SYNDIG1: variants seen among roughly 807,000 people sequenced by gnomAD.
The protein encoded by SYNDIG1 is synapse differentiation inducing 1.
Under a neutral mutation model 19.4 loss-of-function variants are expected in SYNDIG1, and 9 were observed. That is an observed-to-expected ratio of 0.46 (90% CI 0.28 to 0.81). SYNDIG1 has a LOEUF of 0.81. Among genes scored for constraint, SYNDIG1 ranks in the 30% least tolerant of loss-of-function variants. SYNDIG1 has a pLI of 0.12. For synonymous variants in SYNDIG1, 141 were observed against 145.9 expected (o/e 0.97, Z 0.24); for missense variants, 311 against 343.3 (o/e 0.91, Z 0.74).
chr20:24,661,457 AAGT>A, intron 3 of SYNDIG1, among the ~76,000 whole-genome samples: 1 of 123,180 alleles, frequency 8.1e-6, no homozygotes, highest in Non-Finnish European at 1.7e-5. Context: ...AAGAGGGAGG[AAGT>A]AGGAAGGAGG....
chr20:24,572,762 T>C (rs2146950691), intron 2 of SYNDIG1, among the ~76,000 whole-genome samples: 1 of 152,360 alleles, frequency 6.6e-6, no homozygotes, highest in East Asian at 1.9e-4. Flanking sequence ...TTGTATACTG[T>C]ATCTTTCCAT....
chr20:24,487,077 G>T (rs995114183), intron 1 of SYNDIG1, among the ~76,000 whole-genome samples: 1 of 151,054 alleles, frequency 6.6e-6, no homozygotes. Flanking sequence ...GATGTGGGGT[G>T]GGGGGTATTT....
intron 3 of SYNDIG1, among the ~76,000 whole-genome samples, chr20:24,661,485 G>GAGGAAGGGAGGA (rs2059593700): frequency 1.6e-5 from 1 of 62,386 alleles, no homozygotes; most frequent in Non-Finnish European, 4.0e-5. Context: ...GAAGAGGGAG[G>GAGGAAGGGAGGA]AAGAAGGGAG....
intron 3 of SYNDIG1, among the ~76,000 whole-genome samples, chr20:24,664,386 T>C (rs2059629737): frequency 6.6e-6 from 1 of 152,160 alleles, no homozygotes; most frequent in African/African-American, 2.4e-5. Context: ...GAAATCTGGC[T>C]TTCTGGAGAC....
Position 24,479,948 on chromosome 20 carries a change from A to T in SYNDIG1, c.-79+10195A>T, listed in dbSNP as rs192134374. The stretch of plus-strand genomic sequence containing the variant: ...GAGTTACTCCTGCCCTGCCATGCAC[A>T]GGTACATGTGCACACACAAATGCCT... On this transcript the variant is annotated intron_variant, in intron 1 of 3. Transcript: ENST00000376862. Among the ~76,000 whole-genome samples, 425 of 152,362 alleles carry T rather than the reference A, an allele frequency of 2.8e-3. 14 individuals are homozygous for T. The highest frequency in any genetic ancestry group is 0.025 in the Admixed American group (380 of 15,302).
intron 2 of SYNDIG1, among the ~76,000 whole-genome samples, chr20:24,568,739 C>G (rs1311662526): frequency 6.6e-6 from 1 of 152,204 alleles, no homozygotes; most frequent in African/African-American, 2.4e-5. Context: ...GAGCTCAAGG[C>G]AAGAGGTAGT....
intron 1 of SYNDIG1, among the ~76,000 whole-genome samples, chr20:24,475,660 T>G (rs1297458113): frequency 6.6e-6 from 1 of 152,218 alleles, no homozygotes; most frequent in African/African-American, 2.4e-5. Context: ...ATGGAAACCC[T>G]GTATTTGTGA....
intron 1 of SYNDIG1, among the ~76,000 whole-genome samples, chr20:24,526,205 G>A (rs2146582564): frequency 6.6e-6 from 1 of 152,134 alleles, no homozygotes; most frequent in African/African-American, 2.4e-5. Flanking sequence ...AAATTAATTT[G>A]TACCTATTGT....
intron 3 of SYNDIG1, among the ~76,000 whole-genome samples, chr20:24,652,817 C>T (rs1156477718): frequency 1.3e-5 from 2 of 152,192 alleles, no homozygotes; most frequent in Non-Finnish European, 2.9e-5. Flanking sequence ...ACTGGGGCTA[C>T]ATAATCCAGA....
chr20:24,620,233 A>T (rs563895210), intron 3 of SYNDIG1, among the ~76,000 whole-genome samples: 1 of 152,344 alleles, frequency 6.6e-6, no homozygotes, highest in South Asian at 2.1e-4. Context: ...TGGCATAAAC[A>T]ACTTTTTCAT....
At chr20:24,471,281 A>G (rs1021547611) in intron 1 of SYNDIG1, among the ~76,000 whole-genome samples, 1 of 151,910 alleles carries the variant, frequency 6.6e-6, no homozygotes, top group African/African-American at 2.4e-5. Context: ...CCGAAGTGAA[A>G]AGGAGCTGCT....
intron 3 of SYNDIG1, among the ~76,000 whole-genome samples, chr20:24,638,608 C>A (rs77508238): frequency 0.014 from 2,104 of 152,214 alleles, 54 homozygotes; most frequent in African/African-American, 0.049. Flanking sequence ...AGAAATACCC[C>A]CACTTTGACC....
At chr20:24,542,979 G>C (rs1209825792) in intron 1 of SYNDIG1, 41 bp from the exon 2 acceptor site, 2 of 1,465,492 alleles carry the variant, frequency 1.4e-6, no homozygotes, top group East Asian at 2.3e-5. Context: ...TTGTTTTCAA[G>C]TGTGATTCTC....
Position 24,543,180 on chromosome 20 carries a change from C to T in SYNDIG1, c.83C>T (p.Thr28Ile). ...GGCAAGAGGAATGGTTTAATTAACA[C>T]CAGAAACTTGATGGCCGAGAGCAGA... is the stretch of plus-strand genomic sequence containing the variant. The part of the protein sequence containing the change: ...DAGKRNGLIN[T>I]RNLMAESRDG... The change falls in exon 2 of 4, where the codon ACC becomes ATC. Residue 28 changes from threonine (T) to isoleucine (I), a missense_variant. Transcript: ENST00000376862. 2 of 1,614,086 alleles carry T rather than the reference C, an allele frequency of 1.2e-6. No homozygotes were observed. Among genetic ancestry groups the T allele is most frequent in the Non-Finnish European group, 1.7e-6 (2 of 1,180,034 alleles).
chr20:24,592,433 C>T (rs1336240033), intron 3 of SYNDIG1, among the ~76,000 whole-genome samples: 1 of 152,254 alleles, frequency 6.6e-6, no homozygotes, highest in East Asian at 1.9e-4. Context: ...CTGTAACCAC[C>T]GTCAAGACAT....
At chr20:24,567,745 G>T (rs1178354092) in intron 2 of SYNDIG1, among the ~76,000 whole-genome samples, 1 of 152,242 alleles carries the variant, frequency 6.6e-6, no homozygotes, top group African/African-American at 2.4e-5. Context: ...CTTCCAGGAT[G>T]GGAGGGAGGC....
intron 3 of SYNDIG1, among the ~76,000 whole-genome samples, chr20:24,655,889 A>G (rs2059520251): frequency 6.6e-6 from 1 of 152,212 alleles, no homozygotes; most frequent in African/African-American, 2.4e-5. Flanking sequence ...ACTGCATTGC[A>G]TTCCTGCAAC....
At chr20:24,566,328 TGGC>T (rs2058041129) in intron 2 of SYNDIG1, among the ~76,000 whole-genome samples, 1 of 152,232 alleles carries the variant, frequency 6.6e-6, no homozygotes, top group Non-Finnish European at 1.5e-5. Context: ...AATTAATATT[TGGC>T]TGATTCATCT....
chr20:24,598,348 C>A (rs2058628029), intron 3 of SYNDIG1, among the ~76,000 whole-genome samples: 1 of 152,240 alleles, frequency 6.6e-6, no homozygotes, highest in East Asian at 1.9e-4. Context: ...GAATTGGAAT[C>A]CAGGTCTGTA....
Sources: allele counts gnomAD v4.1 joint callset (sites outside exome capture counted in the v4.1 genomes callset), GRCh38; gene constraint gnomAD v4.1.1; transcripts MANE v1.5; gene names NCBI Gene and HGNC (gene_info 2026-07-23, HGNC 2026-07-21).